THSD7B: variants seen among roughly 807,000 people sequenced by gnomAD.
THSD7B encodes thrombospondin type 1 domain containing 7B.
In THSD7B, 138 loss-of-function variants were observed where a neutral mutation model predicts 213.6. That is an observed-to-expected ratio of 0.65 (90% CI 0.56 to 0.74). THSD7B has a LOEUF of 0.74. Among genes scored for constraint, THSD7B ranks in the 30% least tolerant of loss-of-function variants. THSD7B has a pLI of 0.00. For missense variants in THSD7B, 1,931 were observed against 1,991.5 expected, an observed-to-expected ratio of 0.97 and a Z score of 0.58; for synonymous variants, 742 against 687.0, an observed-to-expected ratio of 1.08 and a Z score of -1.25.
intron 12 of THSD7B, among the ~76,000 whole-genome samples, chr2:137,351,995 A>G (rs1374598174): frequency 1.3e-5 from 2 of 151,814 alleles, no homozygotes; most frequent in Non-Finnish European, 2.9e-5. Context: ...CATTAGTGTT[A>G]GTGTATTTTA....
intron 12 of THSD7B, among the ~76,000 whole-genome samples, chr2:137,387,627 T>C (rs1471095916): frequency 2.0e-5 from 3 of 152,124 alleles, no homozygotes; most frequent in Non-Finnish European, 4.4e-5. Flanking sequence ...AATAGTATAG[T>C]ATAGTACTTA....
In THSD7B at chr2:137,302,701, A is replaced by G. The variant is rs148190870; in HGVS notation, c.2500+26675A>G. On this transcript the variant is annotated intron_variant, in intron 12 of 27. Coordinates refer to ENST00000409968, the MANE Select transcript of THSD7B (RefSeq NM_001316349.2). ...TTTGTTTCTAATATTGAAATATAAT[A>G]CCTGAAGAGAATGATTTCACAAGAG... Among the ~76,000 whole-genome samples the G allele has an allele frequency of 2.3e-3, 344 of 152,288 alleles. 2 individuals are homozygous for G. The highest frequency in any genetic ancestry group is 8.0e-3 in the African/African-American group (333 of 41,580).
chr2:137,314,588 T>G (rs1320565065), intron 12 of THSD7B, among the ~76,000 whole-genome samples: 1 of 152,222 alleles, frequency 6.6e-6, no homozygotes, highest in East Asian at 1.9e-4. Context: ...GTGCTCTGCT[T>G]TTTAGAGTTT....
intron 15 of THSD7B, among the ~76,000 whole-genome samples, chr2:137,475,981 G>GT: frequency 6.6e-6 from 1 of 152,038 alleles, no homozygotes; most frequent in Non-Finnish European, 1.5e-5. Context: ...AGCATCTATT[G>GT]TTTTTTCTCT....
chr2:137,078,713 G>T (rs981154813), intron 3 of THSD7B, among the ~76,000 whole-genome samples: 1 of 150,410 alleles, frequency 6.6e-6, no homozygotes, highest in Non-Finnish European at 1.5e-5. Context: ...ATTTATTTTC[G>T]TGTGCCTGAC....
rs182453709 is a variant in THSD7B at position 137,280,072 on chromosome 2, A to T, written c.2500+4046A>T. 2.8e-4 allele frequency among the ~76,000 whole-genome samples: 43 copies of T among 152,270 alleles called. 1 individual carries two copies. The highest frequency in any genetic ancestry group is 1.1e-3 in the Admixed American group (17 of 15,274). On this transcript the variant is annotated intron_variant, in intron 12 of 27. Transcript: ENST00000409968. ...GTTGTCTTGCCAAAACCTTGTGCTTACAAGTTTATTTCTATCTAGTTCATC... is the reference window on the plus strand; with the variant it reads ...GTTGTCTTGCCAAAACCTTGTGCTTTCAAGTTTATTTCTATCTAGTTCATC...
chr2:137,444,630 A>C (rs906389303), intron 14 of THSD7B, among the ~76,000 whole-genome samples: 2 of 152,042 alleles, frequency 1.3e-5, no homozygotes, highest in Non-Finnish European at 2.9e-5. Flanking sequence ...AAATCAATTA[A>C]AGACTTAAAT....
At chr2:136,914,055 T>G (rs1456197742) in intron 2 of THSD7B, among the ~76,000 whole-genome samples, 4 of 152,126 alleles carry the variant, frequency 2.6e-5, no homozygotes, top group Non-Finnish European at 5.9e-5. Context: ...CTGTACCCTT[T>G]AAAGCCACTG....
intron 3 of THSD7B, among the ~76,000 whole-genome samples, chr2:137,076,816 TG>T (rs1312064800): frequency 2.0e-5 from 3 of 152,124 alleles, no homozygotes; most frequent in Admixed American, 1.3e-4. Context: ...ATTGTTTATT[TG>T]TTTTTTTTTA....
intron 10 of THSD7B, among the ~76,000 whole-genome samples, chr2:137,262,129 G>T (rs1682465998): frequency 6.6e-6 from 1 of 152,108 alleles, no homozygotes; most frequent in African/African-American, 2.4e-5. Flanking sequence ...CAGCACAATG[G>T]TCGGCCTGAA....
At chr2:137,424,189 G>A (rs2105030006) in intron 14 of THSD7B, among the ~76,000 whole-genome samples, 1 of 152,032 alleles carries the variant, frequency 6.6e-6, no homozygotes, top group East Asian at 1.9e-4. Flanking sequence ...AAATGTAATA[G>A]CTAAAATTAT....
chr2:136,940,292 T>C (rs1424592066), intron 2 of THSD7B, among the ~76,000 whole-genome samples: 3 of 152,108 alleles, frequency 2.0e-5, no homozygotes, highest in Non-Finnish European at 4.4e-5. Context: ...TCTAATTCAC[T>C]TAAGATAATG....
chr2:137,496,438 T>C (rs1212687775), intron 15 of THSD7B, among the ~76,000 whole-genome samples: 1 of 152,178 alleles, frequency 6.6e-6, no homozygotes, highest in Non-Finnish European at 1.5e-5. Flanking sequence ...CCCCTCCCAA[T>C]AATGGGCCTA....
At chr2:137,672,016 T>G (rs2104831439) in intron 27 of THSD7B, among the ~76,000 whole-genome samples, 1 of 152,248 alleles carries the variant, frequency 6.6e-6, no homozygotes, top group East Asian at 1.9e-4. Flanking sequence ...TCCTCCTCTA[T>G]CAAACTCCAG....
rs1224400494 is a variant in THSD7B at position 137,495,033 on chromosome 2, T to A, written c.3138+44010T>A. On this transcript the variant is annotated intron_variant, in intron 15 of 27. Coordinates refer to ENST00000409968, the MANE Select transcript of THSD7B (RefSeq NM_001316349.2). ...TCCTGGCATGCTGGGATTCCTTCTC[T>A]CACTCATTACTTACCACAGTCTAAT... 3.9e-5 allele frequency among the ~76,000 whole-genome samples: 6 copies of A among 152,174 alleles called. No individual in the cohort carries two copies. In the East Asian group the frequency reaches 1.2e-3, roughly 29 times the overall value.
At chr2:137,398,693 C>G (rs1227393339) in intron 12 of THSD7B, among the ~76,000 whole-genome samples, 1 of 152,184 alleles carries the variant, frequency 6.6e-6, no homozygotes, top group Non-Finnish European at 1.5e-5. Context: ...GGGCTCCACC[C>G]AGTTTGAGCT....
chr2:137,104,543 G>A (rs1221041289), intron 4 of THSD7B, among the ~76,000 whole-genome samples: 1 of 152,022 alleles, frequency 6.6e-6, no homozygotes, highest in Non-Finnish European at 1.5e-5. Flanking sequence ...CAGAAGACAA[G>A]AAATAACTAA....
At chr2:137,282,547 T>A (rs1293776258) in intron 12 of THSD7B, among the ~76,000 whole-genome samples, 1 of 152,198 alleles carries the variant, frequency 6.6e-6, no homozygotes, top group Non-Finnish European at 1.5e-5. Context: ...GGTCTAACAT[T>A]TAAGTCTTTA....
intron 12 of THSD7B, among the ~76,000 whole-genome samples, chr2:137,326,022 G>A (rs1252999630): frequency 6.6e-6 from 1 of 152,178 alleles, no homozygotes; most frequent in Non-Finnish European, 1.5e-5. Context: ...ATATACCATT[G>A]ACTTGGATCG....
Sources: allele counts gnomAD v4.1 joint callset (sites outside exome capture counted in the v4.1 genomes callset), GRCh38; gene constraint gnomAD v4.1.1; transcripts MANE v1.5; gene names NCBI Gene and HGNC (gene_info 2026-07-23, HGNC 2026-07-21).